Variants in SPRR2B observed in about 807,000 individuals in gnomAD.
SPRR2B encodes small proline-rich protein 2B.
A neutral mutation model predicts 1.0 loss-of-function variants in SPRR2B; 1 was observed. The observed-to-expected ratio is 1.01, with a 90% CI of 0.36 to 4.77. SPRR2B has a LOEUF of 4.77. Among genes scored for constraint, SPRR2B ranks in the 30% most tolerant of loss-of-function variants. The probability of loss-of-function intolerance (pLI) is 0.16; values close to 1 mark genes in which losing one functional copy is unlikely to be tolerated. For missense variants in SPRR2B, 53 were observed against 88.7 expected (o/e 0.60, Z 1.62); for synonymous variants, 27 against 33.4 (o/e 0.81, Z 0.66).
the SPRR2B span, among the ~76,000 whole-genome samples, chr1:153,078,600 G>C: frequency 6.6e-6 from 1 of 151,706 alleles, no homozygotes; most frequent in East Asian, 1.9e-4. Flanking sequence ...ACCTATGAGT[G>C]AGAACATGCG....
At chr1:153,083,422 GA>G in the SPRR2B span, among the ~76,000 whole-genome samples, 1 of 152,066 alleles carries the variant, frequency 6.6e-6, no homozygotes, top group Non-Finnish European at 1.5e-5. Context: ...ATGCACAAAA[GA>G]CTCAAAAACA....
intron 1 of SPRR2B, among the ~76,000 whole-genome samples, 191 bp downstream of exon 1, chr1:153,071,378 T>C (rs1386154405): frequency 1.3e-5 from 2 of 152,040 alleles, no homozygotes; most frequent in African/African-American, 2.4e-5. Context: ...TCTCTGTCCA[T>C]ATGAACATAT....
chr1:153,078,943 A>C, the SPRR2B span, among the ~76,000 whole-genome samples: 85,848 of 151,768 alleles, frequency 0.57, 25,071 homozygotes, highest in African/African-American at 0.72. Context: ...ACCACACTGA[A>C]TTCCACAATC....
upstream of SPRR2B, among the ~76,000 whole-genome samples, chr1:153,074,923 A>T (rs1002921873): frequency 2.0e-5 from 3 of 152,234 alleles, no homozygotes; most frequent in African/African-American, 7.2e-5. Flanking sequence ...TTATTGTTAT[A>T]GCTCTACATT....
the SPRR2B span, among the ~76,000 whole-genome samples, chr1:153,085,421 G>C: frequency 4.9e-3 from 719 of 147,000 alleles, 1 homozygote; most frequent in African/African-American, 0.018. Flanking sequence ...GAATAGACCA[G>C]GCAGAGAAAA....
chr1:153,075,535 A>G (rs948863080), upstream of SPRR2B, among the ~76,000 whole-genome samples: 1 of 152,170 alleles, frequency 6.6e-6, no homozygotes, highest in Non-Finnish European at 1.5e-5. Context: ...ACAGGTGATA[A>G]AGATAATAGA....
At chr1:153,074,327 A>T (rs7543689), upstream of SPRR2B, among the ~76,000 whole-genome samples, 53,569 of 152,118 alleles carry the variant, frequency 0.35, 10,391 homozygotes, top group Non-Finnish European at 0.45. Context: ...TAAACAAAAT[A>T]GTGCTGGCAA....
chr1:153,071,557 A>T lies in SPRR2B; in HGVS notation c.-20+12T>A, dbSNP rs1341928265. ...AGGGCAAAAAGAACAGAACTCAAGG[A>T]AGCAGACTAACCAGTTTCTCCAAAG... On this transcript the variant is annotated intron_variant, in intron 1 of 1. Coordinates refer to ENST00000368755, the MANE Select transcript of SPRR2B (RefSeq NM_001388198.1). Among the ~76,000 whole-genome samples the T allele has an allele frequency of 6.6e-6, 1 of 152,196 alleles. No individual in the cohort carries two copies. The highest frequency in any genetic ancestry group is 1.5e-5 in the Non-Finnish European group (1 of 68,028).
At chr1:153,087,425 GAC>G in the SPRR2B span, among the ~76,000 whole-genome samples, 1 of 152,116 alleles carries the variant, frequency 6.6e-6, no homozygotes, top group Non-Finnish European at 1.5e-5. Context: ...AGGACATTGA[GAC>G]ACAAAAAACC....
At chr1:153,077,473 A>G in the SPRR2B span, among the ~76,000 whole-genome samples, 1 of 152,166 alleles carries the variant, frequency 6.6e-6, no homozygotes, top group Non-Finnish European at 1.5e-5. Flanking sequence ...TGTAACTTCA[A>G]TTTTTATTTT....
the SPRR2B span, among the ~76,000 whole-genome samples, chr1:153,080,892 G>T: frequency 8.5e-5 from 13 of 152,260 alleles, no homozygotes; most frequent in African/African-American, 2.9e-4. Flanking sequence ...CTACCAACAT[G>T]TCCTTCAATA....
the SPRR2B span, among the ~76,000 whole-genome samples, chr1:153,079,904 A>C: frequency 2.0e-5 from 3 of 152,148 alleles, no homozygotes; most frequent in Non-Finnish European, 4.4e-5. Flanking sequence ...CTGTGAAGAA[A>C]GTCGTTGGTA....
At chr1:153,077,908 A>T in the SPRR2B span, among the ~76,000 whole-genome samples, 1 of 152,244 alleles carries the variant, frequency 6.6e-6, no homozygotes, top group South Asian at 2.1e-4. Flanking sequence ...TTAGGATATT[A>T]TACATAATCC....
rs1654628942 is a variant in SPRR2B, at chr1:153,070,411, C to T, written c.*210G>A. The T allele has an allele frequency of 4.1e-6, 4 of 967,674 alleles. No individual in the cohort carries two copies. Among genetic ancestry groups the T allele is most frequent in the South Asian group, 3.9e-5 (2 of 50,918 alleles). The allele number at this position is 967,674 out of a possible 1,614,324, so 59.9% of individuals were successfully genotyped here. ...AACTGACAAAGCCAAGGTTCCTTTG[C>T]TCAGTCTCCACCTGGACAGTGGCAG... is the stretch of plus-strand genomic sequence containing the variant. On this transcript the variant is annotated 3_prime_UTR_variant, in exon 2 of 2. Transcript: ENST00000368755.
chr1:153,070,432 G>A lies in SPRR2B; in HGVS notation c.*189C>T, dbSNP rs1157546169. The A allele has an allele frequency of 1.2e-5, 13 of 1,127,102 alleles. No homozygotes were observed. In the Admixed American group the frequency reaches 2.0e-4, roughly 18 times the overall value. 69.8% of individuals were successfully genotyped at this position (1,127,102 alleles called of 1,614,324 possible). ...TTTGCTCAGTCTCCACCTGGACAGTGGCAGTATGGCAGCCTTAGAAAGGAA... is the reference window on the plus strand; with the variant it reads ...TTTGCTCAGTCTCCACCTGGACAGTAGCAGTATGGCAGCCTTAGAAAGGAA... On this transcript the variant is annotated 3_prime_UTR_variant, in exon 2 of 2. Transcript: ENST00000368755.
the SPRR2B span, among the ~76,000 whole-genome samples, chr1:153,080,471 T>A: frequency 4.6e-5 from 7 of 152,108 alleles, no homozygotes; most frequent in Non-Finnish European, 8.8e-5. Flanking sequence ...AATCATGCAA[T>A]GAACTTTTCC....
At chr1:153,081,266 T>A in the SPRR2B span, among the ~76,000 whole-genome samples, 1 of 152,126 alleles carries the variant, frequency 6.6e-6, no homozygotes, top group East Asian at 1.9e-4. Context: ...CAAATTATAA[T>A]CAAATTATCA....
the SPRR2B span, among the ~76,000 whole-genome samples, chr1:153,080,971 T>A: frequency 1.3e-5 from 2 of 152,226 alleles, no homozygotes; most frequent in African/African-American, 4.8e-5. Context: ...TGGAATGACC[T>A]GTCAAGACTC....
the SPRR2B span, among the ~76,000 whole-genome samples, chr1:153,076,906 G>A: frequency 6.6e-6 from 1 of 152,112 alleles, no homozygotes; most frequent in Non-Finnish European, 1.5e-5. Context: ...ACAAAGACAT[G>A]GTTGAATTTG....
Sources: gnomAD v4.1 joint callset for allele counts (sites outside exome capture counted in the v4.1 genomes callset) on GRCh38, gnomAD v4.1.1 for gene constraint, MANE v1.5 for transcripts, NCBI Gene and HGNC (gene_info 2026-07-23, HGNC 2026-07-21) for gene names.